The following SEMA3A variants were observed in gnomAD, a reference collection of about 807,000 sequenced individuals.
The protein encoded by SEMA3A is semaphorin 3A, also known as semaphorin-3A.
A neutral mutation model predicts 97.9 loss-of-function variants in SEMA3A; 29 were observed. The observed-to-expected ratio is 0.30, with a 90% CI of 0.22 to 0.40. SEMA3A has a LOEUF of 0.40. Among genes scored for constraint, SEMA3A ranks in the 10% least tolerant of loss-of-function variants. The pLI, the probability that SEMA3A is intolerant of heterozygous loss-of-function variation, is 1.00. For synonymous variants in SEMA3A, 321 were observed against 323.7 expected, an observed-to-expected ratio of 0.99 and a Z score of 0.09; for missense variants, 763 against 951.3, an observed-to-expected ratio of 0.80 and a Z score of 2.60.
At chr7:84,377,714 A>G (rs1336900949) in intron 1 of SEMA3A, among the ~76,000 whole-genome samples, 1 of 152,142 alleles carries the variant, frequency 6.6e-6, no homozygotes, top group African/African-American at 2.4e-5. Flanking sequence ...TTTGATAGAT[A>G]ATAAGCTTAG....
intron 3 of SEMA3A, among the ~76,000 whole-genome samples, chr7:84,201,560 G>T (rs1798358397): frequency 6.6e-6 from 1 of 151,872 alleles, no homozygotes; most frequent in Non-Finnish European, 1.5e-5. Context: ...TCACTGCCTT[G>T]GCTACAAAAG....
chr7:84,138,508 A>T (rs998522845), intron 1 of SEMA3A, among the ~76,000 whole-genome samples: 1 of 152,176 alleles, frequency 6.6e-6, no homozygotes, highest in African/African-American at 2.4e-5. Flanking sequence ...TAGTTTGGAC[A>T]GAATTACTGT....
At chr7:84,003,716 G>A (rs185875054) in intron 11 of SEMA3A, among the ~76,000 whole-genome samples, 1 of 152,226 alleles carries the variant, frequency 6.6e-6, no homozygotes. Flanking sequence ...AGTGTGACAT[G>A]ACTGAACAAA....
intron 4 of SEMA3A, among the ~76,000 whole-genome samples, chr7:84,089,970 T>A (rs911514974): frequency 8.6e-5 from 13 of 151,968 alleles, no homozygotes; most frequent in African/African-American, 3.1e-4. Flanking sequence ...AAATATATTT[T>A]AAAATACTAT....
chr7:84,297,339 G>A (rs1259614807), intron 3 of SEMA3A, among the ~76,000 whole-genome samples: 3 of 152,034 alleles, frequency 2.0e-5, no homozygotes. Context: ...AATTTTATCT[G>A]AACTTCTCTG....
At chr7:84,198,049 C>T (rs1389460550), upstream of SEMA3A, among the ~76,000 whole-genome samples, 1 of 152,090 alleles carries the variant, frequency 6.6e-6, no homozygotes, top group Non-Finnish European at 1.5e-5. Flanking sequence ...CAGATCACTC[C>T]TTACTCTGAG....
At chr7:84,403,963 C>T (rs1004212222) in intron 1 of SEMA3A, among the ~76,000 whole-genome samples, 13 of 151,998 alleles carry the variant, frequency 8.6e-5, no homozygotes, top group South Asian at 2.1e-4. Flanking sequence ...GCAGAAAAAC[C>T]GGAAACTCTA....
In SEMA3A at chr7:83,964,556, T is replaced by G. The variant is rs1285582907; in HGVS notation, c.1718-1209A>C. On this transcript the variant is annotated intron_variant, in intron 15 of 16. Coordinates refer to ENST00000265362, the MANE Select transcript of SEMA3A (RefSeq NM_006080.3). ...AATCCCTGTACAAGGCCTGTGTCTA[T>G]CATCTCCTACCCTCATCATACCCTA... Among the ~76,000 whole-genome samples the G allele has an allele frequency of 2.6e-5, 4 of 152,154 alleles. No homozygotes were observed. The East Asian group carries it at 7.7e-4, about 29-fold the overall frequency.
intron 4 of SEMA3A, among the ~76,000 whole-genome samples, chr7:84,065,975 A>G (rs943498928): frequency 2.0e-5 from 3 of 151,482 alleles, no homozygotes; most frequent in Admixed American, 6.6e-5. Flanking sequence ...AAAAAAAGAG[A>G]ATTTTAGACC....
At chr7:83,990,638 G>A (rs1336407475) in intron 12 of SEMA3A, among the ~76,000 whole-genome samples, 1 of 146,720 alleles carries the variant, frequency 6.8e-6, no homozygotes, top group African/African-American at 2.5e-5. Flanking sequence ...TAGATATGTG[G>A]CTCTATTTCT....
intron 2 of SEMA3A, among the ~76,000 whole-genome samples, chr7:84,354,184 G>T (rs572308935): frequency 4.9e-4 from 75 of 151,526 alleles, no homozygotes; most frequent in Admixed American, 1.3e-3. Flanking sequence ...ATACTAAAAA[G>T]AATTGACAAT....
chr7:84,148,250 A>T (rs997322571), intron 1 of SEMA3A, among the ~76,000 whole-genome samples: 7 of 151,268 alleles, frequency 4.6e-5, no homozygotes, highest in Admixed American at 4.0e-4. Flanking sequence ...CTTTTTTTTT[A>T]AAAGAGGCTT....
intron 1 of SEMA3A, among the ~76,000 whole-genome samples, chr7:84,408,688 A>G (rs578222857): frequency 1.4e-5 from 2 of 144,308 alleles, no homozygotes; most frequent in South Asian, 4.4e-4. Flanking sequence ...TGTGGCACAT[A>G]TACACCATGG....
chr7:84,468,502 T>C (rs1338975693), intron 1 of SEMA3A, among the ~76,000 whole-genome samples: 1 of 152,234 alleles, frequency 6.6e-6, no homozygotes, highest in East Asian at 1.9e-4. Context: ...AATATTTCTG[T>C]CACACTAGTC....
At chr7:84,349,397 A>G (rs1184982031) in intron 2 of SEMA3A, among the ~76,000 whole-genome samples, 1 of 152,172 alleles carries the variant, frequency 6.6e-6, no homozygotes, top group East Asian at 1.9e-4. Flanking sequence ...TGAAATGGGT[A>G]TTGTCCTGCT....
chr7:84,225,394 TC>T (rs2116344433), intron 3 of SEMA3A, among the ~76,000 whole-genome samples: 1 of 152,150 alleles, frequency 6.6e-6, no homozygotes, highest in African/African-American at 2.4e-5. Flanking sequence ...AAATTAAAAA[TC>T]CCCAAACCAG....
At chr7:84,330,211 C>T (rs1033747983) in intron 2 of SEMA3A, among the ~76,000 whole-genome samples, 4 of 151,746 alleles carry the variant, frequency 2.6e-5, no homozygotes, top group East Asian at 1.9e-4. Context: ...TCATTTTAAC[C>T]TATATAACAA....
intron 2 of SEMA3A, among the ~76,000 whole-genome samples, chr7:84,309,962 C>A (rs1247422038): frequency 1.3e-5 from 2 of 152,028 alleles, no homozygotes; most frequent in Non-Finnish European, 1.5e-5. Context: ...AATGATAAGA[C>A]AATAAACTAC....
At chr7:84,348,637 G>T (rs1023368795) in intron 2 of SEMA3A, among the ~76,000 whole-genome samples, 2 of 152,292 alleles carry the variant, frequency 1.3e-5, no homozygotes, top group South Asian at 2.1e-4. Flanking sequence ...GGTTCTATTT[G>T]TGGGGCTAGT....
Sources: gnomAD v4.1 joint callset for allele counts (sites outside exome capture counted in the v4.1 genomes callset) on GRCh38, gnomAD v4.1.1 for gene constraint, MANE v1.5 for transcripts, NCBI Gene and HGNC (gene_info 2026-07-23, HGNC 2026-07-21) for gene names.